ENTPD6: variants seen among roughly 807,000 people sequenced by gnomAD.
ENTPD6 encodes the protein CD39 antigen-like 2.
A neutral mutation model predicts 61.5 loss-of-function variants in ENTPD6; 46 were observed. The ratio of observed to expected loss-of-function variants is 0.75; its 90% CI spans 0.59 to 0.96. The LOEUF (loss-of-function observed/expected upper bound fraction) is 0.96. Among genes scored for constraint, ENTPD6 ranks in the 40% least tolerant of loss-of-function variants. The pLI, the probability that ENTPD6 is intolerant of heterozygous loss-of-function variation, is 0.00. For missense variants in ENTPD6, 612 were observed against 629.0 expected, an observed-to-expected ratio of 0.97 and a Z score of 0.29; for synonymous variants, 252 against 255.5, an observed-to-expected ratio of 0.99 and a Z score of 0.13.
At position 25,218,534 on chromosome 20, in the gene ENTPD6, G is replaced by A. The variant is rs1338444950; in HGVS notation, c.879-16G>A. ...CTGCCATGGCAGCTGCCCTCACTGAGGTGTCATTCCCACAGCTACCTCGGG... is the reference window on the plus strand; with the variant it reads ...CTGCCATGGCAGCTGCCCTCACTGAAGTGTCATTCCCACAGCTACCTCGGG... On this transcript the variant is annotated splice_polypyrimidine_tract_variant and intron_variant, in intron 9 of 14. Coordinates refer to ENST00000376652, the MANE Select transcript of ENTPD6 (RefSeq NM_001247.5). The A allele has an allele frequency of 6.3e-7, 1 of 1,598,530 alleles. No individual in the cohort carries two copies. The highest frequency in any genetic ancestry group is 8.5e-7 in the Non-Finnish European group (1 of 1,174,884).
At chr20:25,216,518 A>C in intron 7 of ENTPD6, 130 bp from the exon 8 acceptor site, 1 of 648,718 alleles carries the variant, frequency 1.5e-6, no homozygotes, top group Non-Finnish European at 2.7e-6. Flanking sequence ...CCTTAAATGG[A>C]GATTTGTCAA....
chr20:25,219,990 G>A (rs1009633134), intron 10 of ENTPD6, among the ~76,000 whole-genome samples: 1 of 152,186 alleles, frequency 6.6e-6, no homozygotes, highest in Non-Finnish European at 1.5e-5. Flanking sequence ...AGAAAAGGCA[G>A]GTACCTCTTT....
chr20:25,216,500 T>G (rs895553395), intron 7 of ENTPD6, 148 bp from the exon 8 acceptor site: 1 of 621,392 alleles, frequency 1.6e-6, no homozygotes, highest in Non-Finnish European at 2.9e-6. Flanking sequence ...CTTAGATATA[T>G]AGTGTACCCT....
At chr20:25,199,333 G>A (rs1600485602) in intron 1 of ENTPD6, among the ~76,000 whole-genome samples, 1 of 152,236 alleles carries the variant, frequency 6.6e-6, no homozygotes, top group South Asian at 2.1e-4. Context: ...TAGGGCGTGA[G>A]TGTGATCAGA....
intron 1 of ENTPD6, among the ~76,000 whole-genome samples, chr20:25,204,619 A>G (rs1435340312): frequency 6.6e-6 from 1 of 152,164 alleles, no homozygotes; most frequent in Non-Finnish European, 1.5e-5. Context: ...AGCAGTGCCC[A>G]TAACCATTTC....
chr20:25,207,377 A>G lies in ENTPD6; in HGVS notation c.356A>G (p.Gln119Arg), dbSNP rs1202073741. Residue 119 changes from glutamine (Q) to arginine (R), a missense_variant, in exon 3 of 15, where the codon CAG becomes CGG. Transcript: ENST00000376652. ...ACTGGCACCCGAGTACACGTCTTCCAGTTCACCCGGCCCCCCAGAGGTACC... is the reference window on the plus strand; with the variant it reads ...ACTGGCACCCGAGTACACGTCTTCCGGTTCACCCGGCCCCCCAGAGGTACC... ...GSTGTRVHVF[Q>R]FTRPPRETPT... The G allele has an allele frequency of 6.5e-7, 1 of 1,536,872 alleles. No homozygotes were observed. Among genetic ancestry groups the G allele is most frequent in the Non-Finnish European group, 8.8e-7 (1 of 1,137,218 alleles).
intron 1 of ENTPD6, among the ~76,000 whole-genome samples, chr20:25,200,236 T>TTATCTTTTTATC: frequency 6.6e-6 from 1 of 152,388 alleles, no homozygotes; most frequent in African/African-American, 2.4e-5. Flanking sequence ...GAGCCTCTTT[T>TTATCTTTTTATC]TGTATGCTTT....
chr20:25,203,829 C>T (rs1384782768), intron 1 of ENTPD6, among the ~76,000 whole-genome samples: 1 of 152,096 alleles, frequency 6.6e-6, no homozygotes. Flanking sequence ...TTTTGCTGAA[C>T]ATTGGGCATT....
intron 11 of ENTPD6, chr20:25,222,562 T>TCAG (rs1326078274): frequency 2.6e-6 from 1 of 382,566 alleles, no homozygotes; most frequent in Admixed American, 4.2e-5. Flanking sequence ...GTGTCAGGCA[T>TCAG]CAGCAGCTTC....
chr20:25,198,245 G>A (rs1439543863), intron 1 of ENTPD6, among the ~76,000 whole-genome samples: 6 of 152,206 alleles, frequency 3.9e-5, no homozygotes, highest in African/African-American at 1.2e-4. Flanking sequence ...GGAGGCCGAG[G>A]TGGGCAGATC....
chr20:25,218,846 A>G (rs528528299), intron 10 of ENTPD6, among the ~76,000 whole-genome samples: 2 of 152,332 alleles, frequency 1.3e-5, no homozygotes, highest in African/African-American at 2.4e-5. Flanking sequence ...GCAGGAACCC[A>G]GGGTGGTGTT....
chr20:25,197,294 C>T (rs2090544645), intron 1 of ENTPD6: 4 of 944,196 alleles, frequency 4.2e-6, no homozygotes, highest in Non-Finnish European at 5.0e-6. Context: ...AACAACACTG[C>T]TCTACCCTCA....
intron 1 of ENTPD6, among the ~76,000 whole-genome samples, chr20:25,204,088 A>C (rs2091268913): frequency 6.6e-6 from 1 of 152,206 alleles, no homozygotes; most frequent in Non-Finnish European, 1.5e-5. Flanking sequence ...TTTGGAATAT[A>C]CCAAGAAATG....
chr20:25,204,937 G>T (rs1210864089), intron 1 of ENTPD6, among the ~76,000 whole-genome samples: 1 of 152,174 alleles, frequency 6.6e-6, no homozygotes, highest in African/African-American at 2.4e-5. Context: ...ATTTTAACCA[G>T]TCTCTAGTTG....
intron 12 of ENTPD6, among the ~76,000 whole-genome samples, chr20:25,223,479 C>G (rs1452691643): frequency 6.6e-6 from 1 of 152,188 alleles, no homozygotes; most frequent in Admixed American, 6.5e-5. Context: ...GAGGGGGTTG[C>G]AGAGTCACTA....
In ENTPD6 at chr20:25,225,439, C is replaced by G. The variant is rs553979553; in HGVS notation, c.1357-60C>G. ...CTGGCTTCCAAGGAGCCACAGCCTC[C>G]TGATGCACAAGGCTTTCCTGTCTGT... is the stretch of plus-strand genomic sequence containing the variant. On this transcript the variant is annotated intron_variant, in intron 14 of 14. Transcript: ENST00000376652. 41 of 1,583,882 alleles carry G rather than the reference C, an allele frequency of 2.6e-5. No individual in the cohort carries two copies. In the African/African-American group the frequency reaches 5.0e-4, roughly 19 times the overall value.
chr20:25,217,276 C>T (rs986309234), intron 8 of ENTPD6, among the ~76,000 whole-genome samples: 12 of 152,232 alleles, frequency 7.9e-5, no homozygotes, highest in South Asian at 2.1e-4. Context: ...ATGTCTGGGC[C>T]GTGTTTGTCA....
chr20:25,207,001 G>T (rs2122720681), intron 2 of ENTPD6, 75 bp from the exon 3 acceptor site: 2 of 1,358,356 alleles, frequency 1.5e-6, no homozygotes, highest in East Asian at 4.6e-5. Context: ...TTGTCCCTGG[G>T]CCTGGGGACG....
At chr20:25,214,094 G>C (rs988230215) in intron 5 of ENTPD6, among the ~76,000 whole-genome samples, 1 of 148,904 alleles carries the variant, frequency 6.7e-6, no homozygotes, top group Non-Finnish European at 1.5e-5. Context: ...ATGCTCAGAC[G>C]TGACTGTCGA....
Sources: gnomAD v4.1 joint callset for allele counts (sites outside exome capture counted in the v4.1 genomes callset) on GRCh38, gnomAD v4.1.1 for gene constraint, MANE v1.5 for transcripts, NCBI Gene and HGNC (gene_info 2026-07-23, HGNC 2026-07-21) for gene names.